The following SGMS1 variants were observed in gnomAD, a reference collection of about 807,000 sequenced individuals.
The protein encoded by SGMS1 is phosphatidylcholine:ceramide cholinephosphotransferase 1.
A neutral mutation model predicts 46.2 loss-of-function variants in SGMS1; 13 were observed. The observed-to-expected ratio is 0.28, with a 90% CI of 0.18 to 0.45. The LOEUF (loss-of-function observed/expected upper bound fraction) is 0.45. Ranked by LOEUF, SGMS1 falls within the 20% of genes least tolerant of loss-of-function variation. The pLI, the probability that SGMS1 is intolerant of heterozygous loss-of-function variation, is 1.00. For synonymous variants in SGMS1, 203 were observed against 187.8 expected (o/e 1.08, Z -0.66); for missense variants, 324 against 519.9 (o/e 0.62, Z 3.66).
Position 50,431,356 on chromosome 10 carries a change from G to GA in SGMS1, c.-232+2119dup, listed in dbSNP as rs1444959486. Among the ~76,000 whole-genome samples the GA allele has an allele frequency of 3.3e-5, 5 of 152,176 alleles. No individual in the cohort carries two copies. The East Asian group carries it at 9.6e-4, about 29-fold the overall frequency. On this transcript the variant is annotated intron_variant, in intron 6 of 10. Coordinates refer to ENST00000361781, the MANE Select transcript of SGMS1 (RefSeq NM_147156.4). ...TTATGTAAGTCTGATTCAAAGAACT[G>GA]ACACAAGCAAATGTTTTGAAATATC...
At chr10:50,368,670 A>C (rs1223912513) in intron 6 of SGMS1, among the ~76,000 whole-genome samples, 1 of 152,242 alleles carries the variant, frequency 6.6e-6, no homozygotes, top group Non-Finnish European at 1.5e-5. Context: ...CTAAATTTTA[A>C]TGAGCTTTCT....
chr10:50,594,143 A>G (rs556398223), intron 1 of SGMS1, among the ~76,000 whole-genome samples: 2 of 152,334 alleles, frequency 1.3e-5, no homozygotes, highest in Admixed American at 6.5e-5. Context: ...ACAAAAGGGA[A>G]AGCTTTTCCT....
At chr10:50,613,398 C>T (rs1185809866) in intron 1 of SGMS1, among the ~76,000 whole-genome samples, 1 of 152,238 alleles carries the variant, frequency 6.6e-6, no homozygotes, top group Admixed American at 6.5e-5. Flanking sequence ...GCACTCATCT[C>T]TGTATCTCAA....
At chr10:50,395,338 G>T (rs1235059754) in intron 6 of SGMS1, among the ~76,000 whole-genome samples, 4 of 151,836 alleles carry the variant, frequency 2.6e-5, no homozygotes, top group Non-Finnish European at 5.9e-5. Flanking sequence ...CAGTTAAAGT[G>T]CTCTTAAACA....
intron 7 of SGMS1, chr10:50,328,145 T>C: frequency 9.7e-6 from 3 of 308,102 alleles, no homozygotes; most frequent in South Asian, 8.0e-5. Flanking sequence ...CACATGTATA[T>C]TGAGTTAGAT....
chr10:50,328,162 T>C, intron 7 of SGMS1: 1 of 272,236 alleles, frequency 3.7e-6, no homozygotes, highest in Non-Finnish European at 7.2e-6. Context: ...AGATAACGTC[T>C]CCTAATATAA....
chr10:50,338,158 T>C (rs564222906), intron 7 of SGMS1, among the ~76,000 whole-genome samples: 2 of 152,324 alleles, frequency 1.3e-5, no homozygotes, highest in Admixed American at 1.3e-4. Flanking sequence ...TGTCACCCAC[T>C]AAGTGACCAT....
intron 3 of SGMS1, among the ~76,000 whole-genome samples, chr10:50,470,083 T>C (rs7895767): frequency 0.034 from 5,240 of 152,194 alleles, 304 homozygotes; most frequent in African/African-American, 0.12. Flanking sequence ...ACACACGATG[T>C]GGAAATTGCA....
chr10:50,437,423 T>C (rs1357454211), intron 5 of SGMS1, among the ~76,000 whole-genome samples: 1 of 152,228 alleles, frequency 6.6e-6, no homozygotes, highest in Admixed American at 6.5e-5. Context: ...CTGAGTAACT[T>C]GCTCAAGATT....
chr10:50,535,620 G>A (rs567433100), intron 2 of SGMS1, among the ~76,000 whole-genome samples: 50 of 152,178 alleles, frequency 3.3e-4, no homozygotes, highest in East Asian at 3.9e-4. Context: ...CACCCGCCTC[G>A]GCCTCCCAAA....
At chr10:50,370,539 G>C (rs1055195709) in intron 6 of SGMS1, among the ~76,000 whole-genome samples, 4 of 151,410 alleles carry the variant, frequency 2.6e-5, no homozygotes, top group Admixed American at 2.6e-4. Flanking sequence ...TCAAGAGATT[G>C]AGACCAGCCT....
At chr10:50,624,243 G>A (rs56380253), upstream of SGMS1, 5 of 488,200 alleles carry the variant, frequency 1.0e-5, no homozygotes, top group Non-Finnish European at 1.3e-5. Flanking sequence ...AATCTGGGAC[G>A]GTAAATCCCT....
intron 2 of SGMS1, among the ~76,000 whole-genome samples, chr10:50,577,072 A>G (rs1192415408): frequency 1.3e-5 from 2 of 152,236 alleles, no homozygotes; most frequent in African/African-American, 4.8e-5. Context: ...TTCATAAAAA[A>G]GGTTTAGTTT....
chr10:50,614,368 C>T (rs1474631741), intron 1 of SGMS1, among the ~76,000 whole-genome samples: 1 of 152,176 alleles, frequency 6.6e-6, no homozygotes, highest in Middle Eastern at 3.2e-3. Flanking sequence ...CACATGAGTT[C>T]AGTTTTTATT....
intron 3 of SGMS1, among the ~76,000 whole-genome samples, chr10:50,514,337 T>C (rs1276503458): frequency 1.3e-5 from 2 of 152,172 alleles, no homozygotes; most frequent in Admixed American, 1.3e-4. Context: ...CTCCCTTTCT[T>C]CCTTATAACA....
At chr10:50,531,066 T>A (rs1837948860) in intron 2 of SGMS1, among the ~76,000 whole-genome samples, 1 of 151,710 alleles carries the variant, frequency 6.6e-6, no homozygotes, top group Non-Finnish European at 1.5e-5. Context: ...TACAGGACAA[T>A]CCCAGAAAAA....
intron 3 of SGMS1, among the ~76,000 whole-genome samples, chr10:50,513,357 C>A (rs1401468130): frequency 4.6e-5 from 7 of 152,162 alleles, no homozygotes; most frequent in Admixed American, 4.6e-4. Context: ...CTGGTGCAGC[C>A]CTCTGGCCAC....
chr10:50,527,708 C>G (rs764219901), intron 2 of SGMS1, among the ~76,000 whole-genome samples: 1 of 152,194 alleles, frequency 6.6e-6, no homozygotes, highest in African/African-American at 2.4e-5. Flanking sequence ...AGGCCTTTAA[C>G]TACAAAATGA....
chr10:50,562,034 G>C (rs1329572273), intron 2 of SGMS1, among the ~76,000 whole-genome samples: 1 of 152,144 alleles, frequency 6.6e-6, no homozygotes. Flanking sequence ...TCTTCCAGGA[G>C]AGTATGAAAA....
Sources: allele counts gnomAD v4.1 joint callset (sites outside exome capture counted in the v4.1 genomes callset), GRCh38; gene constraint gnomAD v4.1.1; transcripts MANE v1.5; gene names NCBI Gene and HGNC (gene_info 2026-07-23, HGNC 2026-07-21).